Variants in TYR observed in about 807,000 individuals in gnomAD.
TYR encodes LB24-AB.
TYR carries 58 observed loss-of-function variants against 51.5 expected under a neutral mutation model. The observed-to-expected ratio is 1.13, with a 90% CI of 0.91 to 1.40. TYR has a LOEUF of 1.40. TYR is among the 40% of genes most tolerant of loss of function. The pLI is 0.00. For missense variants in TYR, 732 were observed against 647.4 expected (o/e 1.13, Z -1.42); for synonymous variants, 263 against 235.2 (o/e 1.12, Z -1.08).
intron 1 of TYR, among the ~76,000 whole-genome samples, chr11:89,182,956 C>A (rs1332089961): frequency 1.3e-5 from 2 of 151,890 alleles, no homozygotes; most frequent in East Asian, 1.9e-4. Context: ...CACATGGAAG[C>A]AAAGAGAAGA....
intron 3 of TYR, among the ~76,000 whole-genome samples, chr11:89,275,141 A>C (rs1944637345): frequency 6.6e-6 from 1 of 151,886 alleles, no homozygotes; most frequent in African/African-American, 2.4e-5. Flanking sequence ...ATGTCTTTAG[A>C]CTACTGTTAT....
chr11:89,263,194 T>C (rs1944483499), intron 3 of TYR, among the ~76,000 whole-genome samples: 2 of 151,844 alleles, frequency 1.3e-5, no homozygotes, highest in South Asian at 4.2e-4. Context: ...CAAAGGTGGC[T>C]CAACATATTA....
rs747095957 is a variant in TYR, at chr11:89,178,405, T to A, written c.452T>A (p.Ile151Asn). Residue 151 changes from isoleucine to asparagine, a missense_variant, in exon 1 of 5, where the codon ATC becomes AAC. Ile to Asn is a moderately radical substitution (Grantham distance 149). Transcript: ENST00000263321. ...CATACCATCAGCTCAGACTATGTCA[T>A]CCCCATAGGGACCTATGGCCAAATG... ...AKHTISSDYV[I>N]PIGTYGQMKN... 6.2e-7 allele frequency: 1 copy of A among 1,614,186 alleles called. No individual in the cohort carries two copies. The highest frequency in any genetic ancestry group is 8.5e-7 in the Non-Finnish European group (1 of 1,180,040).
intron 2 of TYR, among the ~76,000 whole-genome samples, chr11:89,202,417 G>GTT (rs149476385): frequency 2.0e-5 from 3 of 147,768 alleles, no homozygotes; most frequent in African/African-American, 7.4e-5. Context: ...AAATGAAGCA[G>GTT]TTTTTTTTTT....
chr11:89,277,347 G>A (rs1325060028), intron 3 of TYR, among the ~76,000 whole-genome samples: 1 of 151,802 alleles, frequency 6.6e-6, no homozygotes, highest in Non-Finnish European at 1.5e-5. Context: ...TGGAGGCATC[G>A]CAAGCTGCAG....
At chr11:89,204,175 T>A (rs1167586037) in intron 2 of TYR, among the ~76,000 whole-genome samples, 1 of 152,206 alleles carries the variant, frequency 6.6e-6, no homozygotes, top group Non-Finnish European at 1.5e-5. Flanking sequence ...CTTCTAGCAC[T>A]GTCTAGTGGT....
At chr11:89,194,406 T>C (rs1050188062) in intron 2 of TYR, among the ~76,000 whole-genome samples, 6 of 152,216 alleles carry the variant, frequency 3.9e-5, no homozygotes, top group African/African-American at 1.2e-4. Context: ...ACGTTGGTGA[T>C]GTTAATCACC....
intron 2 of TYR, 88 bp downstream of exon 2, chr11:89,191,506 C>G: frequency 1.5e-6 from 2 of 1,354,192 alleles, no homozygotes; most frequent in Non-Finnish European, 2.1e-6. Flanking sequence ...TTTGAGAATT[C>G]AGAATTTTCT....
At chr11:89,202,381 T>C (rs1196434201) in intron 2 of TYR, among the ~76,000 whole-genome samples, 1 of 151,984 alleles carries the variant, frequency 6.6e-6, no homozygotes, top group Non-Finnish European at 1.5e-5. Flanking sequence ...AATTGCACAG[T>C]AAAAGCACAC....
intron 3 of TYR, among the ~76,000 whole-genome samples, chr11:89,268,904 A>T (rs893024940): frequency 9.9e-5 from 15 of 151,886 alleles, no homozygotes; most frequent in African/African-American, 3.4e-4. Context: ...TCTATGTGAT[A>T]CCTTTCCCAT....
chr11:89,292,327 A>G (rs1405989984), intron 4 of TYR, among the ~76,000 whole-genome samples: 1 of 152,084 alleles, frequency 6.6e-6, no homozygotes, highest in Non-Finnish European at 1.5e-5. Flanking sequence ...AATGATGACA[A>G]TATACTATTG....
intron 2 of TYR, among the ~76,000 whole-genome samples, chr11:89,207,526 A>C (rs1451594752): frequency 2.0e-5 from 3 of 152,184 alleles, no homozygotes; most frequent in African/African-American, 7.2e-5. Context: ...TTCCTTGAGA[A>C]TCAACCAGGA....
chr11:89,270,986 T>C (rs1390105584), intron 3 of TYR, among the ~76,000 whole-genome samples: 2 of 151,748 alleles, frequency 1.3e-5, no homozygotes, highest in Non-Finnish European at 2.9e-5. Flanking sequence ...AATGTGATAA[T>C]CAAAGGAGGA....
chr11:89,182,220 C>A (rs2135245396), intron 1 of TYR, among the ~76,000 whole-genome samples: 1 of 152,236 alleles, frequency 6.6e-6, no homozygotes, highest in Admixed American at 6.5e-5. Context: ...GAGCACAGGA[C>A]TATAATATAC....
At chr11:89,222,117 C>A (rs1031249211) in intron 2 of TYR, among the ~76,000 whole-genome samples, 2 of 152,132 alleles carry the variant, frequency 1.3e-5, no homozygotes, top group African/African-American at 4.8e-5. Context: ...ATTTTAAAGG[C>A]AGAAGGATTT....
At chr11:89,227,737 T>G in intron 2 of TYR, 86 bp from the exon 3 acceptor site, 6 of 1,183,140 alleles carry the variant, frequency 5.1e-6, no homozygotes, top group Non-Finnish European at 1.2e-6. Context: ...AGTCTTCAAG[T>G]TATAGTTATA....
At chr11:89,191,525 C>A in intron 2 of TYR, 107 bp downstream of exon 2, 2 of 1,064,662 alleles carry the variant, frequency 1.9e-6, no homozygotes, top group Non-Finnish European at 2.8e-6. Context: ...CTGAGTTGAC[C>A]AAGAATATGT....
At chr11:89,223,551 C>T (rs1258323788) in intron 2 of TYR, among the ~76,000 whole-genome samples, 1 of 152,076 alleles carries the variant, frequency 6.6e-6, no homozygotes, top group Non-Finnish European at 1.5e-5. Context: ...AAAATTCCCT[C>T]GTAGGTTTTT....
chr11:89,248,904 C>G (rs186489516), intron 3 of TYR, among the ~76,000 whole-genome samples: 450 of 151,678 alleles, frequency 3.0e-3, no homozygotes, highest in African/African-American at 9.9e-3. Flanking sequence ...TGTTAATGGA[C>G]TATGTGATAA....
Sources: gnomAD v4.1 joint callset for allele counts (sites outside exome capture counted in the v4.1 genomes callset) on GRCh38, gnomAD v4.1.1 for gene constraint, MANE v1.5 for transcripts, NCBI Gene and HGNC (gene_info 2026-07-23, HGNC 2026-07-21) for gene names.